The following SLC3A1 variants were observed in gnomAD, a reference collection of about 807,000 sequenced individuals.
The protein encoded by SLC3A1 is amino acid transporter heavy chain SLC3A1.
SLC3A1 carries 78 observed loss-of-function variants against 60.3 expected under a neutral mutation model. That is an observed-to-expected ratio of 1.29 (90% CI 1.08 to 1.56). The LOEUF (loss-of-function observed/expected upper bound fraction) is 1.56. Among genes scored for constraint, SLC3A1 ranks in the 40% most tolerant of loss-of-function variants. SLC3A1 has a pLI of 0.00. For missense variants in SLC3A1, 1,172 were observed against 858.9 expected (o/e 1.36, Z -4.56); for synonymous variants, 392 against 307.9 (o/e 1.27, Z -2.86).
chr2:44,280,907 G>T lies in SLC3A1; in HGVS notation c.610+12G>T. 1.9e-6 allele frequency: 3 copies of T among 1,612,274 alleles called. No homozygotes were observed. Among genetic ancestry groups the T allele is most frequent in the Non-Finnish European group, 2.5e-6 (3 of 1,178,354 alleles). On this transcript the variant is annotated intron_variant, in intron 2 of 9. Transcript: ENST00000260649. ...CATACATGATAAAGGTAAGTTGAAT[G>T]GAAAGTGGGCAAGATGGGGATGAGG... is the stretch of plus-strand genomic sequence containing the variant.
intron 3 of SLC3A1, among the ~76,000 whole-genome samples, chr2:44,284,324 C>T (rs150649836): frequency 2.1e-4 from 32 of 152,262 alleles, no homozygotes; most frequent in Non-Finnish European, 4.3e-4. Context: ...GTGATCTGCC[C>T]ACGTCGGCTT....
chr2:44,313,948 T>C lies in SLC3A1; in HGVS notation c.1614T>C (p.Val538=), dbSNP rs898768186. Residue 538 remains valine, a synonymous_variant, in exon 9 of 10, where the codon GTT becomes GTC. Coordinates refer to ENST00000260649, the MANE Select transcript of SLC3A1 (RefSeq NM_000341.4). ...ATTCAGATTACCACACTGTGAATGTTGATGTAAGTATCAGTGAAAATTTTA... is the reference window on the plus strand; with the variant it reads ...ATTCAGATTACCACACTGTGAATGTCGATGTAAGTATCAGTGAAAATTTTA... The part of the protein sequence containing the change: ...PTNSDYHTVN[V]DVQKTQPRSA... 2 of 1,614,092 alleles carry C rather than the reference T, an allele frequency of 1.2e-6. No homozygotes were observed. The highest frequency in any genetic ancestry group is 1.7e-6 in the Non-Finnish European group (2 of 1,179,980).
intron 7 of SLC3A1, among the ~76,000 whole-genome samples, chr2:44,307,553 TATCTC>T (rs1004512478): frequency 6.8e-6 from 1 of 146,814 alleles, no homozygotes; most frequent in African/African-American, 2.6e-5. Context: ...GTCAAGTTGT[TATCTC>T]ATTGCATTTT....
intron 5 of SLC3A1, among the ~76,000 whole-genome samples, chr2:44,300,709 G>T (rs1175913137): frequency 2.0e-5 from 3 of 151,992 alleles, no homozygotes; most frequent in Admixed American, 1.3e-4. Context: ...TTTTTAAAAG[G>T]GTCTGAAACA....
intron 9 of SLC3A1, among the ~76,000 whole-genome samples, chr2:44,315,648 C>T (rs530842511): frequency 4.3e-5 from 5 of 116,910 alleles, no homozygotes; most frequent in African/African-American, 1.1e-4. Context: ...AGAGTAAGAC[C>T]GCCTCAAAAA....
At chr2:44,294,502 C>T (rs79592325) in intron 4 of SLC3A1, among the ~76,000 whole-genome samples, 1 of 75,544 alleles carries the variant, frequency 1.3e-5, no homozygotes, top group African/African-American at 5.1e-5. Context: ...GACTCCATCT[C>T]AAAAAAAAAA....
chr2:44,289,875 C>A (rs1401464153), intron 4 of SLC3A1, among the ~76,000 whole-genome samples: 6 of 152,144 alleles, frequency 3.9e-5, no homozygotes, highest in African/African-American at 1.4e-4. Context: ...AGGTGATCCA[C>A]CCGCCTCGGC....
At chr2:44,306,216 A>G (rs1194963315) in intron 7 of SLC3A1, among the ~76,000 whole-genome samples, 4 of 152,178 alleles carry the variant, frequency 2.6e-5, no homozygotes, top group African/African-American at 9.7e-5. Context: ...CTGGGCCCTG[A>G]AAAGTGGTAT....
chr2:44,287,342 C>G (rs576760197), intron 4 of SLC3A1, among the ~76,000 whole-genome samples: 3 of 152,102 alleles, frequency 2.0e-5, no homozygotes, highest in African/African-American at 7.2e-5. Context: ...AACCATGTGA[C>G]TATCTGGGGG....
chr2:44,291,859 C>T (rs1293585457), intron 4 of SLC3A1, among the ~76,000 whole-genome samples: 1 of 152,122 alleles, frequency 6.6e-6, no homozygotes, highest in Non-Finnish European at 1.5e-5. Flanking sequence ...CAGCAGAGAG[C>T]ACCCTCTGCT....
intron 7 of SLC3A1, among the ~76,000 whole-genome samples, chr2:44,305,427 CTTTTT>C (rs139686441): frequency 9.8e-4 from 114 of 115,862 alleles, no homozygotes; most frequent in African/African-American, 3.5e-3. Flanking sequence ...TCTTTTCTTA[CTTTTT>C]TTTTTTTTTT....
chr2:44,281,328 G>A (rs1359840216), intron 2 of SLC3A1, 59 bp from the exon 3 acceptor site: 1 of 1,469,458 alleles, frequency 6.8e-7, no homozygotes, highest in Non-Finnish European at 9.5e-7. Context: ...TGCCTGGCCT[G>A]TCATATGTTA....
chr2:44,282,828 T>A (rs1255822459), intron 3 of SLC3A1, among the ~76,000 whole-genome samples: 4 of 151,898 alleles, frequency 2.6e-5, no homozygotes. Context: ...CAGCTAATAT[T>A]TTATTTTTTT....
rs542664708 is a variant in SLC3A1 at position 44,278,449 on chromosome 2, A to AAAAT, written c.431-2243_431-2240dup. The stretch of plus-strand genomic sequence containing the variant: ...GGCGACAGAGCGAGACTCCATCTCA[A>AAAAT]AAATAAATAAATAAATAAATAAATA... On this transcript the variant is annotated intron_variant, in intron 1 of 9. Transcript: ENST00000260649. Among the ~76,000 whole-genome samples the AAAAT allele has an allele frequency of 3.9e-3, 594 of 151,574 alleles. 1 individual carries two copies. The highest frequency in any genetic ancestry group is 0.031 in the Middle Eastern group (9 of 290).
intron 4 of SLC3A1, among the ~76,000 whole-genome samples, chr2:44,287,659 A>G (rs1272976213): frequency 4.6e-5 from 7 of 152,180 alleles, no homozygotes; most frequent in African/African-American, 7.2e-5. Context: ...GGGGCTGATC[A>G]TTTCTCACAA....
intron 9 of SLC3A1, chr2:44,317,767 A>G (rs1672549086): frequency 6.5e-6 from 1 of 152,830 alleles, no homozygotes; most frequent in African/African-American, 2.4e-5. Context: ...AAAGCTTAAT[A>G]GAAAAAAACC....
chr2:44,322,235 T>C (rs764600420), downstream of SLC3A1, among the ~76,000 whole-genome samples: 3 of 151,870 alleles, frequency 2.0e-5, no homozygotes, highest in Non-Finnish European at 4.4e-5. Flanking sequence ...GGGTGACAAA[T>C]GGAGATGAAT....
At chr2:44,306,138 TAGAG>T (rs1000732559) in intron 7 of SLC3A1, among the ~76,000 whole-genome samples, 2 of 152,132 alleles carry the variant, frequency 1.3e-5, no homozygotes, top group African/African-American at 4.8e-5. Context: ...GCCTTATATA[TAGAG>T]AGAGAGTTGC....
intron 9 of SLC3A1, among the ~76,000 whole-genome samples, chr2:44,317,220 T>G (rs558714289): frequency 6.6e-6 from 1 of 152,292 alleles, no homozygotes; most frequent in African/African-American, 2.4e-5. Flanking sequence ...CCCAGCACTT[T>G]GGGAGGCCAA....
Sources: gnomAD v4.1 joint callset for allele counts (sites outside exome capture counted in the v4.1 genomes callset) on GRCh38, gnomAD v4.1.1 for gene constraint, MANE v1.5 for transcripts, NCBI Gene and HGNC (gene_info 2026-07-23, HGNC 2026-07-21) for gene names.